The following CBL variants were observed in gnomAD, a reference collection of about 807,000 sequenced individuals.
CBL encodes Cbl proto-oncogene.
A neutral mutation model predicts 96.9 loss-of-function variants in CBL; 45 were observed. That is an observed-to-expected ratio of 0.46 (90% CI 0.37 to 0.60). CBL has a LOEUF of 0.60. CBL is among the 20% of genes least tolerant of loss of function. The pLI is 0.00. For synonymous variants in CBL, 420 were observed against 426.8 expected, an observed-to-expected ratio of 0.98 and a Z score of 0.20; for missense variants, 1,024 against 1,143.5, an observed-to-expected ratio of 0.90 and a Z score of 1.51.
chr11:119,293,398 G>A (rs981915672), intron 12 of CBL, among the ~76,000 whole-genome samples: 4 of 152,108 alleles, frequency 2.6e-5, no homozygotes, highest in African/African-American at 7.2e-5. Context: ...GTGAGCCATC[G>A]TGCCCATCCC....
chr11:119,285,419 A>G lies in CBL; in HGVS notation c.1794A>G (p.Val598=), dbSNP rs760865008. Residue 598 remains valine, a synonymous_variant, in exon 11 of 16, where the codon GTA becomes GTG. Coordinates refer to ENST00000264033, the MANE Select transcript of CBL (RefSeq NM_005188.4). ...DSWLPRPIPK[V]PVSAPSSSDP... ...GGCTGCCCCGGCCAATCCCCAAAGT[A>G]CCAGTATCTGCCCCAAGTTCCAGTG... The G allele has an allele frequency of 1.9e-6, 3 of 1,614,138 alleles. No individual in the cohort carries two copies. Among genetic ancestry groups the G allele is most frequent in the Non-Finnish European group, 2.5e-6 (3 of 1,180,020 alleles).
intron 12 of CBL, among the ~76,000 whole-genome samples, chr11:119,290,507 C>A (rs1236217023): frequency 1.3e-5 from 2 of 150,144 alleles, no homozygotes; most frequent in Non-Finnish European, 3.0e-5. Flanking sequence ...AAAAAATTAG[C>A]CAGGCATGGT....
chr11:119,235,183 G>T (rs182796768), intron 2 of CBL, among the ~76,000 whole-genome samples: 5 of 151,836 alleles, frequency 3.3e-5, no homozygotes, highest in Admixed American at 6.6e-5. Flanking sequence ...GAGTGATATT[G>T]GCTCACTGCA....
intron 12 of CBL, among the ~76,000 whole-genome samples, chr11:119,292,933 A>G (rs1282738427): frequency 6.6e-6 from 1 of 152,098 alleles, no homozygotes; most frequent in Non-Finnish European, 1.5e-5. Context: ...GACTTACAGT[A>G]TTTTCGACTG....
In CBL at chr11:119,298,444, C is replaced by T. The variant is rs1555027886; in HGVS notation, c.2338C>T (p.Pro780Ser). Residue 780 changes from proline (P) to serine (S), a missense_variant, in exon 15 of 16, where the codon CCT becomes TCT. By Grantham distance (74) the Pro-to-Ser change is moderately conservative. This residue lies in a region of CBL where 695 missense variants were observed against 661.6 expected (regional missense o/e 1.05). Coordinates refer to ENST00000264033, the MANE Select transcript of CBL (RefSeq NM_005188.4). ...TGATGGGTATGATGTCCCAAAGCCA[C>T]CTGTGCCGGCCGTGCTGGCCCGCCG... ...EDDGYDVPKPPVPAVLARRTL... is the reference protein window; with the variant it reads ...EDDGYDVPKPSVPAVLARRTL... 1.2e-6 allele frequency: 2 copies of T among 1,614,152 alleles called. No individual in the cohort carries two copies. The highest frequency in any genetic ancestry group is 1.7e-6 in the Non-Finnish European group (2 of 1,179,986).
chr11:119,263,297 T>C (rs1592392687), intron 2 of CBL, among the ~76,000 whole-genome samples: 1 of 152,156 alleles, frequency 6.6e-6, no homozygotes, highest in Admixed American at 6.5e-5. Flanking sequence ...TAAGTGGTAA[T>C]TGAGAAGTCA....
At chr11:119,236,788 A>G (rs146267647) in intron 2 of CBL, among the ~76,000 whole-genome samples, 168 of 152,074 alleles carry the variant, frequency 1.1e-3, no homozygotes, top group African/African-American at 3.7e-3. Context: ...TATTACAGCT[A>G]TTCTACTAGG....
chr11:119,212,983 A>G lies in CBL; in HGVS notation c.195+6371A>G, dbSNP rs200414000. On this transcript the variant is annotated intron_variant, in intron 1 of 15. Coordinates refer to ENST00000264033, the MANE Select transcript of CBL (RefSeq NM_005188.4). ...GCAAAACTCCGTCTCAAAAAAAAAG[A>G]AAAAAAAAAAAATAGAGACAGAATC... 1.3e-3 allele frequency among the ~76,000 whole-genome samples: 175 copies of G among 137,198 alleles called. 1 individual carries two copies. In the East Asian group the frequency reaches 0.015, roughly 11 times the overall value. The allele number at this position is 137,198 out of a possible 152,430, so 90.0% of individuals were successfully genotyped here.
intron 2 of CBL, among the ~76,000 whole-genome samples, chr11:119,271,114 T>C (rs530588165): frequency 6.6e-5 from 10 of 152,234 alleles, no homozygotes; most frequent in Admixed American, 4.6e-4. Context: ...TTAAGACTTA[T>C]TTATCTTTTA....
intron 1 of CBL, among the ~76,000 whole-genome samples, chr11:119,223,278 C>T (rs932700220): frequency 3.4e-5 from 5 of 147,882 alleles, no homozygotes; most frequent in African/African-American, 1.0e-4. Flanking sequence ...GCCATCCTCC[C>T]GTCTCAGCCT....
At chr11:119,284,916 A>T in intron 9 of CBL, 53 bp from the exon 10 acceptor site, 1 of 1,608,584 alleles carries the variant, frequency 6.2e-7, no homozygotes, top group Non-Finnish European at 8.5e-7. Flanking sequence ...GAGAGTTGAA[A>T]GATGCCATTT....
intron 7 of CBL, 85 bp from the exon 8 acceptor site, chr11:119,278,081 G>C (rs2135303289): frequency 8.4e-7 from 1 of 1,197,580 alleles, no homozygotes; most frequent in Non-Finnish European, 1.2e-6. Context: ...ATTTGTATAG[G>C]AAACAAGTCT....
At chr11:119,239,795 C>G (rs1949571642) in intron 2 of CBL, among the ~76,000 whole-genome samples, 1 of 149,640 alleles carries the variant, frequency 6.7e-6, no homozygotes, top group South Asian at 2.1e-4. Context: ...TTTTTTTTTG[C>G]TTTTTTGTTT....
intron 2 of CBL, among the ~76,000 whole-genome samples, chr11:119,234,138 C>G (rs1362029564): frequency 6.6e-6 from 1 of 152,134 alleles, no homozygotes; most frequent in African/African-American, 2.4e-5. Flanking sequence ...TCCTTAGTAG[C>G]TGGGATTACA....
At chr11:119,235,985 T>C (rs889745954) in intron 2 of CBL, among the ~76,000 whole-genome samples, 1 of 152,176 alleles carries the variant, frequency 6.6e-6, no homozygotes, top group Admixed American at 6.6e-5. Context: ...GGGAAAAATA[T>C]ATAGGGTTTT....
At chr11:119,244,936 C>G (rs1325638765) in intron 2 of CBL, among the ~76,000 whole-genome samples, 1 of 151,978 alleles carries the variant, frequency 6.6e-6, no homozygotes, top group Non-Finnish European at 1.5e-5. Context: ...CTGCCTCTTC[C>G]AGGATCATCA....
At chr11:119,207,022 CGGCTGGGGCTCTTGGCTGGGTG>C (rs1949275397) in intron 1 of CBL, among the ~76,000 whole-genome samples, 2 of 151,852 alleles carry the variant, frequency 1.3e-5, no homozygotes, top group African/African-American at 4.8e-5. Context: ...AGTGATGTAC[CGGCTGGGGCTCTTGGCTGGGTG>C]AGATCTGACT....
intron 2 of CBL, among the ~76,000 whole-genome samples, chr11:119,246,266 C>A (rs1050976985): frequency 6.6e-6 from 1 of 151,956 alleles, no homozygotes; most frequent in African/African-American, 2.4e-5. Context: ...AACCACCGCG[C>A]CCGGCCTTAC....
intron 15 of CBL, among the ~76,000 whole-genome samples, chr11:119,299,125 A>G (rs2081453445): frequency 6.6e-6 from 1 of 152,252 alleles, no homozygotes; most frequent in African/African-American, 2.4e-5. Context: ...CTTCATTGCA[A>G]CTTATATCTG....
Sources: gnomAD v4.1 joint callset for allele counts (sites outside exome capture counted in the v4.1 genomes callset) on GRCh38, gnomAD v4.1.1 for gene constraint, gnomAD v4.1.1 regional missense constraint, MANE v1.5 for transcripts, NCBI Gene and HGNC (gene_info 2026-07-23, HGNC 2026-07-21) for gene names.